Variants in RBM45 observed in about 807,000 individuals in gnomAD.
RBM45 encodes the protein RNA binding motif protein 45.
In RBM45, 39 loss-of-function variants were observed where a neutral mutation model predicts 58.5. The observed-to-expected ratio is 0.67, with a 90% CI of 0.52 to 0.87. The LOEUF (loss-of-function observed/expected upper bound fraction) is 0.87. Among genes scored for constraint, RBM45 ranks in the 40% least tolerant of loss-of-function variants. The pLI, the probability that RBM45 is intolerant of heterozygous loss-of-function variation, is 0.00. For synonymous variants in RBM45, 193 were observed against 203.0 expected (o/e 0.95, Z 0.42); for missense variants, 481 against 581.6 (o/e 0.83, Z 1.78).
Position 178,112,672 on chromosome 2 carries a change from G to A in RBM45, c.126G>A (p.Arg42=). Residue 42 remains arginine, a synonymous_variant, in exon 1 of 10, where the codon AGG becomes AGA. Transcript: ENST00000286070. ...AGTACACACCTGAGTCGGTGCTGAG[G>A]GAGCGCTTCTCGCCTTTTGGCGACA... is the stretch of plus-strand genomic sequence containing the variant. ...ISKYTPESVL[R]ERFSPFGDIQ... The A allele has an allele frequency of 1.9e-6, 3 of 1,614,248 alleles. No individual in the cohort carries two copies. Among genetic ancestry groups the A allele is most frequent in the Non-Finnish European group, 2.5e-6 (3 of 1,180,046 alleles).
At chr2:178,126,284 A>G in intron 9 of RBM45, 100 bp downstream of exon 9, 1 of 670,086 alleles carries the variant, frequency 1.5e-6, no homozygotes, top group South Asian at 5.0e-5. Flanking sequence ...GTGATTTAGA[A>G]GTTGTCAGTT....
At chr2:178,137,859 C>A (rs142755100) in exon 4 of RBM45, 114 of 152,240 alleles carry the variant, frequency 7.5e-4, no homozygotes, top group African/African-American at 2.4e-3. Flanking sequence ...ACAGACAGTT[C>A]TGCAGAATGA....
intron 1 of RBM45, among the ~76,000 whole-genome samples, chr2:178,115,453 C>T (rs147101887): frequency 3.9e-5 from 6 of 152,210 alleles, no homozygotes; most frequent in South Asian, 2.1e-4. Flanking sequence ...CTGATATCAG[C>T]CACAAGACTC....
At position 178,120,899 on chromosome 2, in the gene RBM45, G is replaced by T. The variant is rs112778222; in HGVS notation, c.674-281G>T. ...AATGTTATTTGACGTAAACATTCAG[G>T]TAAAATACTTACCATATTTTTCAGT... On this transcript the variant is annotated intron_variant, in intron 4 of 9. Transcript: ENST00000286070. The T allele has an allele frequency of 9.8e-5, 25 of 256,152 alleles. No individual in the cohort carries two copies. The Admixed American group carries it at 1.3e-3, about 13-fold the overall frequency. 15.9% of individuals were successfully genotyped at this position (256,152 alleles called of 1,614,324 possible).
chr2:178,134,113 T>C (rs1190704218), downstream of RBM45, among the ~76,000 whole-genome samples: 1 of 152,188 alleles, frequency 6.6e-6, no homozygotes, highest in African/African-American at 2.4e-5. Flanking sequence ...TCTGTGACTG[T>C]CATATATGAA....
chr2:178,123,537 A>G lies in RBM45; in HGVS notation c.869A>G (p.Gln290Arg). Residue 290 changes from glutamine (Q) to arginine (R), a missense_variant, in exon 6 of 10, where the codon CAG becomes CGG. Coordinates refer to ENST00000286070, the MANE Select transcript of RBM45 (RefSeq NM_152945.4). The stretch of plus-strand genomic sequence containing the variant: ...TCTATTTTAGGTCATGGAGTGGTTC[A>G]GTATTTTAATGTAGCATCAGCTATT... Reference protein sequence around the residue: ...PYSNYGHGVVQYFNVASAIYA... With the variant: ...PYSNYGHGVVRYFNVASAIYA... The G allele has an allele frequency of 9.4e-6, 15 of 1,594,080 alleles. No individual in the cohort carries two copies. The highest frequency in any genetic ancestry group is 1.3e-5 in the Non-Finnish European group (15 of 1,173,136).
At chr2:178,138,538 C>G (rs532004524) in exon 4 of RBM45, 50 of 152,162 alleles carry the variant, frequency 3.3e-4, no homozygotes, top group African/African-American at 1.2e-3. Flanking sequence ...TTTTGTAGCC[C>G]AAGATTCCTC....
At chr2:178,137,504 T>A (rs1312292396) in exon 4 of RBM45, 2 of 152,196 alleles carry the variant, frequency 1.3e-5, no homozygotes, top group African/African-American at 4.8e-5. Context: ...CATATGACAC[T>A]CTATAGCAAG....
At chr2:178,135,648 T>C (rs1250922064) in intron 3 of RBM45, among the ~76,000 whole-genome samples, 1 of 152,234 alleles carries the variant, frequency 6.6e-6, no homozygotes, top group African/African-American at 2.4e-5. Flanking sequence ...TTTAGCTATT[T>C]GTAGCAGGAA....
At chr2:178,119,176 C>T (rs1204080008) in intron 3 of RBM45, among the ~76,000 whole-genome samples, 28 of 152,074 alleles carry the variant, frequency 1.8e-4, no homozygotes, top group Admixed American at 1.8e-3. Flanking sequence ...ATTTATTAAG[C>T]TCTCTATAAA....
chr2:178,127,422 C>T (rs2087947678), intron 9 of RBM45, among the ~76,000 whole-genome samples: 1 of 152,140 alleles, frequency 6.6e-6, no homozygotes, highest in Admixed American at 6.5e-5. Flanking sequence ...ATTGTGTGAG[C>T]TAGCACGTAT....
At chr2:178,125,546 G>A (rs539722505) in intron 8 of RBM45, among the ~76,000 whole-genome samples, 9 of 152,278 alleles carry the variant, frequency 5.9e-5, no homozygotes, top group Non-Finnish European at 8.8e-5. Flanking sequence ...TAGGGAATTT[G>A]AGAGATTGTT....
chr2:178,132,280 A>G (rs1249673971), downstream of RBM45, among the ~76,000 whole-genome samples: 1 of 152,220 alleles, frequency 6.6e-6, no homozygotes, highest in African/African-American at 2.4e-5. Flanking sequence ...GAATTTTTCA[A>G]AGTTAAATAC....
At chr2:178,122,285 TG>T (rs2087863907) in intron 5 of RBM45, among the ~76,000 whole-genome samples, 1 of 152,176 alleles carries the variant, frequency 6.6e-6, no homozygotes, top group South Asian at 2.1e-4. Context: ...CATACTTGGT[TG>T]GCATCTCTTC....
chr2:178,124,419 T>G (rs2087899064), intron 8 of RBM45, 129 bp downstream of exon 8: 1 of 482,934 alleles, frequency 2.1e-6, no homozygotes, highest in African/African-American at 2.0e-5. Context: ...TAAAACCTCC[T>G]TATTTGTATC....
intron 6 of RBM45, 46 bp from the exon 7 acceptor site, chr2:178,123,782 A>C (rs758409691): frequency 5.0e-6 from 8 of 1,606,502 alleles, no homozygotes; most frequent in Non-Finnish European, 6.0e-6. Context: ...CTGTTAAAAG[A>C]CTGAATATTT....
intron 5 of RBM45, among the ~76,000 whole-genome samples, 194 bp downstream of exon 5, chr2:178,121,553 T>G (rs959969833): frequency 5.3e-5 from 8 of 152,068 alleles, no homozygotes; most frequent in African/African-American, 1.9e-4. Context: ...CAAAATATGG[T>G]GATACCTTAA....
chr2:178,135,312 G>A (rs2088036712), intron 3 of RBM45, among the ~76,000 whole-genome samples: 1 of 152,186 alleles, frequency 6.6e-6, no homozygotes, highest in Non-Finnish European at 1.5e-5. Context: ...AAAAAAGAGT[G>A]TACTAGGAAA....
At chr2:178,117,402 A>G (rs754782498) in intron 2 of RBM45, among the ~76,000 whole-genome samples, 1 of 152,198 alleles carries the variant, frequency 6.6e-6, no homozygotes, top group Non-Finnish European at 1.5e-5. Context: ...AATAAATACC[A>G]ATTATATTCC....
Sources: allele counts gnomAD v4.1 joint callset (sites outside exome capture counted in the v4.1 genomes callset), GRCh38; gene constraint gnomAD v4.1.1; transcripts MANE v1.5; gene names NCBI Gene and HGNC (gene_info 2026-07-23, HGNC 2026-07-21).